Variants in NVL observed in about 807,000 individuals in gnomAD.
NVL encodes nuclear VCP like.
A neutral mutation model predicts 110.2 loss-of-function variants in NVL; 84 were observed. The observed-to-expected ratio is 0.76, with a 90% CI of 0.64 to 0.91. The LOEUF is 0.91. NVL is among the 40% of genes least tolerant of loss of function. NVL has a pLI of 0.00. For synonymous variants in NVL, 354 were observed against 361.1 expected (o/e 0.98, Z 0.22); for missense variants, 882 against 1,035.9 (o/e 0.85, Z 2.04).
At position 224,250,284 on chromosome 1, in the gene NVL, G is replaced by C; in HGVS notation, c.2217C>G (p.Arg739=). Reference sequence around the variant, plus strand: ...AACCCACAAACAGTGTTTTGTCCAGGCGGCCCGGGCGCAGGATTGCAGGGT... The same window carrying C: ...AACCCACAAACAGTGTTTTGTCCAGCCGGCCCGGGCGCAGGATTGCAGGGT... ...IIDPAILRPG[R]LDKTLFVGLP... Residue 739 remains arginine, a synonymous_variant, in exon 19 of 23, where the codon CGC becomes CGG. Transcript: ENST00000281701. 2 of 1,602,278 alleles carry C rather than the reference G, an allele frequency of 1.2e-6. No individual in the cohort carries two copies. Among genetic ancestry groups the C allele is most frequent in the East Asian group, 4.5e-5 (2 of 44,180 alleles).
chr1:224,296,607 T>C lies in NVL; in HGVS notation c.1074A>G (p.Pro358=), dbSNP rs1667906383. 1.3e-6 allele frequency: 2 copies of C among 1,578,762 alleles called. No homozygotes were observed. Among genetic ancestry groups the C allele is most frequent in the Non-Finnish European group, 1.7e-6 (2 of 1,161,074 alleles). The change falls in exon 11 of 23, where the codon CCA becomes CCG. Residue 358 remains proline (P), a synonymous_variant. Transcript: ENST00000281701. ...ELFEQAVSNA[P]CIIFIDEIDA... ...CAATTTCATCAATGAAAATGATACA[T>C]GGTGCATTTGACTAGAAATAAAAAT...
In NVL at chr1:224,303,855, C is replaced by T; in HGVS notation, c.828G>A (p.Glu276=). ...DVGGNDMTLK[E]VCKMLIHMRH... is the part of the protein sequence containing the mutation. The stretch of plus-strand genomic sequence containing the variant: ...GCATGTGTATGAGCATCTTGCAGAC[C>T]TCCTAGCAGAGGATAAGCACAAAGA... Residue 276 remains glutamate, a splice_region_variant and synonymous_variant, in exon 9 of 23, where the codon GAG becomes GAA. Transcript: ENST00000281701. 6.2e-7 allele frequency: 1 copy of T among 1,606,278 alleles called. No individual in the cohort carries two copies. Among genetic ancestry groups the T allele is most frequent in the Non-Finnish European group, 8.5e-7 (1 of 1,176,238 alleles).
intron 2 of NVL, among the ~76,000 whole-genome samples, chr1:224,318,282 T>C (rs1293650972): frequency 6.6e-6 from 1 of 152,160 alleles, no homozygotes; most frequent in Non-Finnish European, 1.5e-5. Context: ...GAGATTTCTT[T>C]TGGAGGGGTA....
intron 17 of NVL, among the ~76,000 whole-genome samples, chr1:224,269,137 G>A (rs1664797725): frequency 7.0e-6 from 1 of 143,738 alleles, no homozygotes; most frequent in Non-Finnish European, 1.5e-5. Context: ...GCCGAGGCTA[G>A]AGTGTACTGG....
intron 18 of NVL, chr1:224,257,026 G>C (rs1198681393): frequency 5.7e-6 from 3 of 522,794 alleles, no homozygotes; most frequent in African/African-American, 3.9e-5. Context: ...TTATGTCAGA[G>C]ACAGAATTCT....
rs775504461 is a variant in NVL, at chr1:224,330,168, TA to T, written c.-42del. The stretch of plus-strand genomic sequence containing the variant: ...AGCCACAGCTCGGACCGCCAGCTCC[TA>T]GTCAACCGGGGGCCTCGTAGGGGTT... On this transcript the variant is annotated 5_prime_UTR_variant, in exon 1 of 23. Transcript: ENST00000281701. The T allele has an allele frequency of 2.8e-5, 45 of 1,607,928 alleles. No homozygotes were observed. The highest frequency in any genetic ancestry group is 3.6e-5 in the Non-Finnish European group (42 of 1,174,500).
intron 6 of NVL, among the ~76,000 whole-genome samples, chr1:224,306,822 C>T (rs1276633807): frequency 2.0e-5 from 3 of 152,130 alleles, no homozygotes; most frequent in African/African-American, 4.8e-5. Flanking sequence ...GGTGACAAGG[C>T]AGACCCTGTC....
intron 12 of NVL, among the ~76,000 whole-genome samples, chr1:224,290,717 G>C (rs1414104511): frequency 6.6e-6 from 1 of 151,490 alleles, no homozygotes. Context: ...AAGGAGAATG[G>C]CATGAACCTG....
intron 9 of NVL, chr1:224,301,620 A>G: frequency 3.3e-6 from 1 of 301,978 alleles, no homozygotes; most frequent in South Asian, 2.5e-5. Context: ...TGGGCAACAC[A>G]GTGAGACCCC....
chr1:224,304,001 G>A (rs1668667088), intron 8 of NVL, 144 bp from the exon 9 acceptor site: 2 of 838,048 alleles, frequency 2.4e-6, no homozygotes, highest in Non-Finnish European at 3.4e-6. Flanking sequence ...TCCTGGCTCT[G>A]GTACCTACTG....
chr1:224,251,924 T>C (rs895576788), intron 18 of NVL, among the ~76,000 whole-genome samples: 1 of 152,208 alleles, frequency 6.6e-6, no homozygotes, highest in African/African-American at 2.4e-5. Flanking sequence ...CTCTTTACAA[T>C]GCCGCTAGTG....
intron 19 of NVL, among the ~76,000 whole-genome samples, chr1:224,240,052 C>T (rs934067953): frequency 2.8e-5 from 4 of 144,952 alleles, no homozygotes; most frequent in African/African-American, 7.6e-5. Flanking sequence ...TGCGCTACCA[C>T]GCTGGGTAAT....
chr1:224,281,450 G>A (rs1048188673), intron 15 of NVL, among the ~76,000 whole-genome samples: 12 of 151,562 alleles, frequency 7.9e-5, no homozygotes, highest in Non-Finnish European at 5.9e-5. Flanking sequence ...ACAGGCGCCC[G>A]CCACCACGCC....
intron 19 of NVL, among the ~76,000 whole-genome samples, chr1:224,247,876 C>G (rs73128440): frequency 2.0e-5 from 3 of 152,176 alleles, no homozygotes; most frequent in Admixed American, 2.0e-4. Context: ...GATCACTCCT[C>G]TGCGTAGTGG....
chr1:224,320,790 C>CA (rs1670566763), intron 2 of NVL, among the ~76,000 whole-genome samples: 1 of 152,190 alleles, frequency 6.6e-6, no homozygotes, highest in Non-Finnish European at 1.5e-5. Context: ...GGTACGATGA[C>CA]AGACACGTGC....
At chr1:224,230,269 C>T (rs1659722693) in intron 22 of NVL, among the ~76,000 whole-genome samples, 1 of 152,158 alleles carries the variant, frequency 6.6e-6, no homozygotes, top group South Asian at 2.1e-4. Context: ...TATCAAAAAG[C>T]GTAGAGTAGG....
chr1:224,239,853 G>A (rs928149196), intron 19 of NVL, among the ~76,000 whole-genome samples: 1 of 152,086 alleles, frequency 6.6e-6, no homozygotes, highest in Non-Finnish European at 1.5e-5. Flanking sequence ...CAGAAATACC[G>A]TTAAAGACAT....
intron 20 of NVL, among the ~76,000 whole-genome samples, chr1:224,235,822 A>T (rs1249225179): frequency 6.6e-6 from 1 of 151,920 alleles, no homozygotes; most frequent in African/African-American, 2.4e-5. Context: ...AGTCCCAGCT[A>T]TCCAGGAGGC....
chr1:224,266,741 CTG>C (rs1455412278), intron 18 of NVL, among the ~76,000 whole-genome samples: 1 of 152,186 alleles, frequency 6.6e-6, no homozygotes, highest in African/African-American at 2.4e-5. Context: ...TAGGATGACT[CTG>C]TGATTTTATG....
Sources: allele counts gnomAD v4.1 joint callset (sites outside exome capture counted in the v4.1 genomes callset), GRCh38; gene constraint gnomAD v4.1.1; transcripts MANE v1.5; gene names NCBI Gene and HGNC (gene_info 2026-07-23, HGNC 2026-07-21).